ULK4: variants seen among roughly 807,000 people sequenced by gnomAD.
ULK4 encodes the protein inactive serine/threonine-protein kinase ULK4.
ULK4 carries 133 observed loss-of-function variants against 160.6 expected under a neutral mutation model. The ratio of observed to expected loss-of-function variants is 0.83; its 90% CI spans 0.72 to 0.96. The LOEUF (loss-of-function observed/expected upper bound fraction) is 0.96. Among genes scored for constraint, ULK4 ranks in the 40% least tolerant of loss-of-function variants. ULK4 has a pLI of 0.00. For missense variants in ULK4, 1,580 were observed against 1,499.5 expected (o/e 1.05, Z -0.89); for synonymous variants, 534 against 539.8 (o/e 0.99, Z 0.15).
At chr3:41,734,416 T>G (rs764521946) in intron 22 of ULK4, among the ~76,000 whole-genome samples, 2 of 152,166 alleles carry the variant, frequency 1.3e-5, no homozygotes, top group Non-Finnish European at 2.9e-5. Flanking sequence ...CATATTTGAT[T>G]TGTATACGTT....
At chr3:41,856,512 A>AATATATATATATATAT (rs376773321) in intron 17 of ULK4, among the ~76,000 whole-genome samples, 4 of 99,184 alleles carry the variant, frequency 4.0e-5, no homozygotes, top group Admixed American at 1.2e-4. Flanking sequence ...TAAATAAATA[A>AATATATATATATATAT]ATATATATAT....
chr3:41,517,295 A>G (rs2085783687), intron 32 of ULK4, among the ~76,000 whole-genome samples: 1 of 152,202 alleles, frequency 6.6e-6, no homozygotes, highest in Admixed American at 6.5e-5. Flanking sequence ...CAATTCATAT[A>G]TTAGAACCTA....
chr3:41,611,104 T>G (rs2032653500), intron 31 of ULK4, among the ~76,000 whole-genome samples: 1 of 152,236 alleles, frequency 6.6e-6, no homozygotes, highest in Non-Finnish European at 1.5e-5. Context: ...AATGGACTCT[T>G]CTGATGGCTC....
intron 17 of ULK4, among the ~76,000 whole-genome samples, chr3:41,871,313 A>G (rs566561053): frequency 3.0e-4 from 45 of 152,344 alleles, no homozygotes; most frequent in African/African-American, 1.0e-3. Context: ...GTAGTATTCT[A>G]AGTATGAACA....
At chr3:41,361,050 GGAGATCTGCTAT>G (rs1395475599) in intron 35 of ULK4, among the ~76,000 whole-genome samples, 28 of 152,252 alleles carry the variant, frequency 1.8e-4, no homozygotes, top group African/African-American at 6.3e-4. Flanking sequence ...GAGAGAAAGG[GGAGATCTGCTAT>G]GGGATGTCCT....
intron 32 of ULK4, among the ~76,000 whole-genome samples, chr3:41,509,078 C>G (rs1314672178): frequency 6.6e-6 from 1 of 151,796 alleles, no homozygotes; most frequent in Non-Finnish European, 1.5e-5. Flanking sequence ...AAACATGATA[C>G]AGGATATGAA....
intron 35 of ULK4, among the ~76,000 whole-genome samples, chr3:41,251,739 A>C (rs989187753): frequency 6.6e-6 from 1 of 152,192 alleles, no homozygotes; most frequent in East Asian, 1.9e-4. Flanking sequence ...CAGCAAGAGG[A>C]GCCTGCAACC....
At chr3:41,903,293 G>A (rs1169703664) in intron 12 of ULK4, among the ~76,000 whole-genome samples, 4 of 151,996 alleles carry the variant, frequency 2.6e-5, no homozygotes, top group African/African-American at 9.7e-5. Flanking sequence ...TAGAAATAAC[G>A]TAAGAATTAG....
At chr3:41,440,856 G>C (rs1239675892) in intron 34 of ULK4, among the ~76,000 whole-genome samples, 4 of 151,898 alleles carry the variant, frequency 2.6e-5, no homozygotes, top group African/African-American at 9.7e-5. Flanking sequence ...TTTTTTTCTT[G>C]AGTGAGTTTA....
intron 34 of ULK4, among the ~76,000 whole-genome samples, chr3:41,446,751 T>G (rs1381523901): frequency 1.4e-5 from 2 of 145,436 alleles, no homozygotes; most frequent in Non-Finnish European, 3.0e-5. Flanking sequence ...GGTGGAGGGA[T>G]AGCATTAGGA....
At chr3:41,543,276 C>T (rs1481276546) in intron 32 of ULK4, among the ~76,000 whole-genome samples, 1 of 151,988 alleles carries the variant, frequency 6.6e-6, no homozygotes, top group African/African-American at 2.4e-5. Flanking sequence ...CACATGTCAT[C>T]AAGATTGAAA....
chr3:41,410,051 T>C (rs1559579594), intron 34 of ULK4, among the ~76,000 whole-genome samples: 3 of 152,018 alleles, frequency 2.0e-5, no homozygotes, highest in Non-Finnish European at 4.4e-5. Context: ...TAACAAGCAG[T>C]TGGTGAGTAT....
At chr3:41,789,549 G>C in intron 21 of ULK4, 112 bp downstream of exon 21, 1 of 1,028,036 alleles carries the variant, frequency 9.7e-7, no homozygotes, top group Non-Finnish European at 1.4e-6. Context: ...GTTCAAAAAG[G>C]CCTCTTGGGA....
At chr3:41,735,107 G>C (rs1324286088) in intron 22 of ULK4, among the ~76,000 whole-genome samples, 2 of 152,116 alleles carry the variant, frequency 1.3e-5, no homozygotes, top group Non-Finnish European at 2.9e-5. Flanking sequence ...ATTGTTTAAA[G>C]GAAAGAAATG....
intron 32 of ULK4, among the ~76,000 whole-genome samples, chr3:41,505,709 T>A (rs1448854530): frequency 6.6e-6 from 1 of 152,264 alleles, no homozygotes; most frequent in African/African-American, 2.4e-5. Flanking sequence ...TTTTAATAGT[T>A]CATTGATTCT....
rs142092945 is a variant in ULK4 at position 41,382,948 on chromosome 3, T to C, written c.3678+15131A>G. Among the ~76,000 whole-genome samples the C allele has an allele frequency of 9.1e-3, 1,379 of 152,208 alleles. 72 individuals carry two copies. The highest frequency in any genetic ancestry group is 0.078 in the Admixed American group (1,185 of 15,266). On this transcript the variant is annotated intron_variant, in intron 35 of 36. Coordinates refer to ENST00000301831, the MANE Select transcript of ULK4 (RefSeq NM_017886.4). ...AATTAATGGAATTCATTTCTTAAAA[T>C]TAATATAGATTAAAGAAAAATTGTA...
intron 32 of ULK4, among the ~76,000 whole-genome samples, chr3:41,530,560 C>T (rs770553027): frequency 6.6e-6 from 1 of 152,156 alleles, no homozygotes; most frequent in Non-Finnish European, 1.5e-5. Context: ...ACTGACCCAA[C>T]GCTGGCAATT....
intron 34 of ULK4, among the ~76,000 whole-genome samples, chr3:41,404,538 T>C (rs1402163745): frequency 6.6e-6 from 1 of 152,218 alleles, no homozygotes; most frequent in Non-Finnish European, 1.5e-5. Context: ...ATGGTTTGAA[T>C]GTGTTCCCCA....
chr3:41,447,040 C>A (rs977634855), intron 34 of ULK4, among the ~76,000 whole-genome samples: 1 of 127,554 alleles, frequency 7.8e-6, no homozygotes, highest in African/African-American at 3.0e-5. Flanking sequence ...GCCGAGATGG[C>A]ACCACTGCAC....
Sources: allele counts gnomAD v4.1 joint callset (sites outside exome capture counted in the v4.1 genomes callset), GRCh38; gene constraint gnomAD v4.1.1; transcripts MANE v1.5; gene names NCBI Gene and HGNC (gene_info 2026-07-23, HGNC 2026-07-21).